The following SLC6A9 variants were observed in gnomAD, a reference collection of about 807,000 sequenced individuals.
SLC6A9 encodes the protein solute carrier family 6 member 9, also known as sodium- and chloride-dependent glycine transporter 1.
A neutral mutation model predicts 70.9 loss-of-function variants in SLC6A9; 31 were observed. The ratio of observed to expected loss-of-function variants is 0.44; its 90% confidence interval spans 0.33 to 0.59. The LOEUF (loss-of-function observed/expected upper bound fraction) is 0.59. SLC6A9 is among the 20% of genes least tolerant of loss of function. The pLI is 0.04. For synonymous variants in SLC6A9, 310 were observed against 341.3 expected (o/e 0.91, Z 1.01); for missense variants, 631 against 845.2 (o/e 0.75, Z 3.14).
intron 4 of SLC6A9, 68 bp downstream of exon 4, chr1:44,009,897 T>C: frequency 1.9e-6 from 3 of 1,563,964 alleles, no homozygotes; most frequent in Non-Finnish European, 2.6e-6. Context: ...GATGGGCGAG[T>C]TGGCACGGCC....
intron 1 of SLC6A9, among the ~76,000 whole-genome samples, chr1:44,026,617 C>T (rs942268225): frequency 6.6e-6 from 1 of 151,794 alleles, no homozygotes; most frequent in African/African-American, 2.4e-5. Context: ...CGAGATCACA[C>T]CACTGTACTC....
At chr1:44,009,880 T>C in intron 4 of SLC6A9, 85 bp downstream of exon 4, 1 of 1,515,574 alleles carries the variant, frequency 6.6e-7, no homozygotes, top group Non-Finnish European at 9.0e-7. Context: ...TCAGCCATGT[T>C]TGTACAGATG....
At chr1:44,024,103 G>C (rs539903394) in intron 2 of SLC6A9, 145 bp downstream of exon 2, 17 of 808,902 alleles carry the variant, frequency 2.1e-5, no homozygotes, top group Middle Eastern at 2.5e-4. Context: ...TAGATGAGGG[G>C]CTACCTGCCC....
Position 44,001,243 on chromosome 1 carries a change from C to T in SLC6A9, c.1256G>A (p.Trp419Ter). 1 of 1,614,198 alleles carries T rather than the reference C, an allele frequency of 6.2e-7. No individual in the cohort carries two copies. The highest frequency in any genetic ancestry group is 8.5e-7 in the Non-Finnish European group (1 of 1,180,038). Residue 419 changes from tryptophan (W) to a stop codon, truncating the protein, a stop_gained, in exon 10 of 14, where the codon TGG becomes TAG. Coordinates refer to ENST00000372310, the MANE Select transcript of SLC6A9 (RefSeq NM_001024845.3). LOFTEE classifies it high-confidence loss of function. ...TAIVDEVGNE[W>*]ILQKKTYVTL... ...CACATAGGTCTTTTTCTGCAGGATC[C>T]ACTCATTCCCCACCTCATCCACAAT...
intron 1 of SLC6A9, among the ~76,000 whole-genome samples, chr1:44,031,034 C>T (rs2087106494): frequency 6.6e-6 from 1 of 151,956 alleles, no homozygotes; most frequent in African/African-American, 2.4e-5. Context: ...CTTCCCTCTC[C>T]CTCCCGCTTC....
rs7534970 is a variant in SLC6A9, at chr1:44,011,286, G to C, written c.31-404C>G. Among the ~76,000 whole-genome samples the C allele has an allele frequency of 3.4e-3, 514 of 152,296 alleles. 5 individuals carry two copies. Among genetic ancestry groups the C allele is most frequent in the African/African-American group, 0.011 (475 of 41,556 alleles). Reference sequence around the variant, plus strand: ...CAGCCAAGTCAGGCTGGGCACAAAGGGGCCTGTGTCCAGACAGCCCCCCCA... The same window carrying C: ...CAGCCAAGTCAGGCTGGGCACAAAGCGGCCTGTGTCCAGACAGCCCCCCCA... On this transcript the variant is annotated intron_variant, in intron 2 of 13. Coordinates refer to ENST00000372310, the MANE Select transcript of SLC6A9 (RefSeq NM_001024845.3).
intron 1 of SLC6A9, chr1:44,030,477 C>G (rs1217106386): frequency 1.3e-5 from 2 of 152,088 alleles, no homozygotes; most frequent in African/African-American, 4.8e-5. Flanking sequence ...GGGTGCGGAG[C>G]GCCGGCCGGG....
intron 2 of SLC6A9, among the ~76,000 whole-genome samples, chr1:44,021,469 A>G (rs1272747985): frequency 6.6e-6 from 1 of 152,188 alleles, no homozygotes; most frequent in Non-Finnish European, 1.5e-5. Context: ...AGAAGCTCCA[A>G]GGATAACACA....
chr1:44,006,586 C>CAAAAAAAA (rs34759206), intron 5 of SLC6A9, among the ~76,000 whole-genome samples: 2 of 67,596 alleles, frequency 3.0e-5, no homozygotes, highest in African/African-American at 6.6e-5. Context: ...GATTCTGTCT[C>CAAAAAAAA]AAAAAAAAAA....
rs544298169 is a variant in SLC6A9, at chr1:43,998,134, G to A, written c.1537-109C>T. On this transcript the variant is annotated intron_variant, in intron 12 of 13. Transcript: ENST00000372310. The stretch of plus-strand genomic sequence containing the variant: ...CTCTGGTTTCCCAAACTAGAAAAGG[G>A]CATTTGGGGCAGAACAGGGACAGCT... The A allele has an allele frequency of 2.2e-4, 230 of 1,048,406 alleles. 2 individuals carry two copies. The Middle Eastern group carries it at 5.8e-3, about 26-fold the overall frequency. 64.9% of individuals were successfully genotyped at this position (1,048,406 alleles called of 1,614,324 possible).
At chr1:44,030,144 C>T (rs1394683525) in intron 1 of SLC6A9, among the ~76,000 whole-genome samples, 1 of 152,054 alleles carries the variant, frequency 6.6e-6, no homozygotes, top group African/African-American at 2.4e-5. Flanking sequence ...GGCCTCCGGC[C>T]GGCGGGCAGG....
intron 4 of SLC6A9, among the ~76,000 whole-genome samples, chr1:44,009,223 C>CTT (rs34741082): frequency 2.3e-5 from 3 of 132,378 alleles, no homozygotes; most frequent in Non-Finnish European, 3.3e-5. Flanking sequence ...ATGGGGTTTC[C>CTT]TTTTTTTTTT....
intron 2 of SLC6A9, chr1:44,017,199 C>T: frequency 1.3e-6 from 2 of 1,567,238 alleles, no homozygotes; most frequent in South Asian, 1.2e-5. Flanking sequence ...CCGGGCTGGG[C>T]AGCGTCAATT....
At position 44,002,515 on chromosome 1, in the gene SLC6A9, G is replaced by C. The variant is rs1471867136; in HGVS notation, c.855C>G (p.Ala285=). ...LTPQWDKILE[A]KVWGDAASQI... The stretch of plus-strand genomic sequence containing the variant: ...TCCGGTTTCCCTCACTTCCCACCTT[G>C]GCCTCCAGGATCTTGTCCCACTGCG... The change falls in exon 7 of 14, where the codon GCC becomes GCG. Residue 285 remains alanine (A), a synonymous_variant. Coordinates refer to ENST00000372310, the MANE Select transcript of SLC6A9 (RefSeq NM_001024845.3). This position sits in a 1 kb window ranked among gnomAD's most constrained non-coding sequence, Gnocchi z 5.5. 1 of 1,614,106 alleles carries C rather than the reference G, an allele frequency of 6.2e-7. No homozygotes were observed.
chr1:44,019,083 T>A (rs1385360290), intron 2 of SLC6A9, among the ~76,000 whole-genome samples: 1 of 152,192 alleles, frequency 6.6e-6, no homozygotes, highest in Non-Finnish European at 1.5e-5. Flanking sequence ...TTTCTCCATC[T>A]CTAAAACGGG....
At chr1:44,008,302 G>A in intron 5 of SLC6A9, 51 bp downstream of exon 5, 4 of 1,591,470 alleles carry the variant, frequency 2.5e-6, no homozygotes, top group Non-Finnish European at 3.4e-6. Context: ...GCCCAGTGGG[G>A]ACAGGGTTGC....
intron 5 of SLC6A9, among the ~76,000 whole-genome samples, chr1:44,007,541 G>A (rs757938030): frequency 1.3e-5 from 2 of 152,174 alleles, no homozygotes; most frequent in Non-Finnish European, 2.9e-5. Flanking sequence ...TCTTGATCAC[G>A]GCACCCCCGG....
chr1:44,015,600 C>CTAA (rs2086713679), intron 2 of SLC6A9, among the ~76,000 whole-genome samples: 1 of 152,230 alleles, frequency 6.6e-6, no homozygotes, highest in Non-Finnish European at 1.5e-5. Flanking sequence ...ACAGAACAGC[C>CTAA]ATTACAGTAA....
At chr1:43,998,742 A>T (rs1034136250) in intron 12 of SLC6A9, among the ~76,000 whole-genome samples, 2 of 152,138 alleles carry the variant, frequency 1.3e-5, no homozygotes, top group African/African-American at 4.8e-5. Context: ...GCAGAGGAGG[A>T]TGGAAAGAGG....
Sources: allele counts gnomAD v4.1 joint callset (sites outside exome capture counted in the v4.1 genomes callset), GRCh38; gene constraint gnomAD v4.1.1; non-coding constraint Gnocchi (gnomAD v3.1); transcripts MANE v1.5; gene names NCBI Gene and HGNC (gene_info 2026-07-23, HGNC 2026-07-21).